Variants in PDE4D observed in about 807,000 individuals in gnomAD.
The protein encoded by PDE4D is 3',5'-cyclic-AMP phosphodiesterase 4D.
In PDE4D, 24 loss-of-function variants were observed where a neutral mutation model predicts 87.4. That is an observed-to-expected ratio of 0.27 (90% CI 0.20 to 0.39). The LOEUF is 0.39. Among genes scored for constraint, PDE4D ranks in the 10% least tolerant of loss-of-function variants. The pLI is 1.00. For synonymous variants in PDE4D, 384 were observed against 383.2 expected (o/e 1.00, Z -0.02); for missense variants, 714 against 1,041.0 (o/e 0.69, Z 4.32).
rs549393596 is a variant in PDE4D, at chr5:59,137,791, G to T, written c.808+42804C>A. ...TCTGCCTGCCTCGGCCTCCCAAAGTGCTGGGATTACAGGCGTAAGCCACCA... is the reference window on the plus strand; with the variant it reads ...TCTGCCTGCCTCGGCCTCCCAAAGTTCTGGGATTACAGGCGTAAGCCACCA... On this transcript the variant is annotated intron_variant, in intron 5 of 14. Transcript: ENST00000340635. 2.6e-3 allele frequency among the ~76,000 whole-genome samples: 400 copies of T among 152,334 alleles called. 2 individuals are homozygous for T. The highest frequency in any genetic ancestry group is 4.1e-3 in the Non-Finnish European group (276 of 68,030).
intron 5 of PDE4D, among the ~76,000 whole-genome samples, chr5:59,114,883 G>T (rs962157791): frequency 3.4e-5 from 5 of 147,130 alleles, no homozygotes; most frequent in Admixed American, 2.7e-4. Context: ...AGGAATAAGT[G>T]GGGGGAAAAG....
chr5:60,177,395 T>G (rs527358026), intron 2 of PDE4D, among the ~76,000 whole-genome samples: 20 of 152,264 alleles, frequency 1.3e-4, no homozygotes, highest in African/African-American at 4.8e-4. Flanking sequence ...GCAACATATA[T>G]GGGTAAATTA....
intron 1 of PDE4D, among the ~76,000 whole-genome samples, chr5:59,715,797 C>T (rs1326059237): frequency 6.6e-6 from 1 of 152,180 alleles, no homozygotes; most frequent in Non-Finnish European, 1.5e-5. Context: ...AAAAACCTGG[C>T]TTAATGCATA....
intron 1 of PDE4D, among the ~76,000 whole-genome samples, chr5:59,232,278 C>T (rs7715975): frequency 0.032 from 4,799 of 152,054 alleles, 266 homozygotes; most frequent in African/African-American, 0.11. Context: ...TATCTGACAA[C>T]GGACTAATAT....
chr5:59,130,965 G>C (rs141349175), intron 5 of PDE4D, among the ~76,000 whole-genome samples: 2 of 152,182 alleles, frequency 1.3e-5, no homozygotes, highest in African/African-American at 4.8e-5. Flanking sequence ...CCATTCATTA[G>C]TGATGATCCA....
At chr5:60,383,419 C>G (rs1359613864) in intron 1 of PDE4D, among the ~76,000 whole-genome samples, 1 of 152,198 alleles carries the variant, frequency 6.6e-6, no homozygotes, top group East Asian at 1.9e-4. Flanking sequence ...GAAATGCCTT[C>G]CATTTCTCCT....
intron 2 of PDE4D, among the ~76,000 whole-genome samples, chr5:59,207,476 G>A (rs1316656845): frequency 6.6e-6 from 1 of 151,924 alleles, no homozygotes; most frequent in Non-Finnish European, 1.5e-5. Context: ...CCAGGTTACT[G>A]GACTAGTTTT....
chr5:59,610,724 C>T (rs1422209527), intron 1 of PDE4D, among the ~76,000 whole-genome samples: 2 of 152,114 alleles, frequency 1.3e-5, no homozygotes, highest in Non-Finnish European at 2.9e-5. Context: ...CATTGAAATA[C>T]ACCTCAATGA....
At chr5:59,004,149 A>T (rs1374683256) in intron 6 of PDE4D, among the ~76,000 whole-genome samples, 1 of 152,178 alleles carries the variant, frequency 6.6e-6, no homozygotes, top group East Asian at 1.9e-4. Context: ...AAAAAAAATC[A>T]GTATAATGGC....
At chr5:59,414,775 GC>G (rs1388265401) in intron 1 of PDE4D, among the ~76,000 whole-genome samples, 1 of 152,186 alleles carries the variant, frequency 6.6e-6, no homozygotes, top group Non-Finnish European at 1.5e-5. Flanking sequence ...AGGGCTTAGA[GC>G]CCATGTACTC....
intron 5 of PDE4D, among the ~76,000 whole-genome samples, chr5:59,090,499 T>C (rs910284973): frequency 6.6e-6 from 1 of 152,166 alleles, no homozygotes. Context: ...AGTGAGACAA[T>C]GGCTGTAAAG....
chr5:60,434,267 T>G (rs569029728), intron 1 of PDE4D, among the ~76,000 whole-genome samples: 2 of 152,230 alleles, frequency 1.3e-5, no homozygotes, highest in African/African-American at 4.8e-5. Flanking sequence ...TTATAAATGG[T>G]TGTAAGATTC....
At chr5:59,797,172 G>A (rs1393763542) in intron 1 of PDE4D, 2 of 148,674 alleles carry the variant, frequency 1.3e-5, no homozygotes, top group Non-Finnish European at 3.0e-5. Context: ...GTCAGAAGTT[G>A]TGAAGCTGCT....
intron 1 of PDE4D, among the ~76,000 whole-genome samples, chr5:60,228,323 T>C (rs1745372839): frequency 6.6e-6 from 1 of 152,144 alleles, no homozygotes; most frequent in African/African-American, 2.4e-5. Context: ...AAGATATTTT[T>C]CAGAGATTAG....
rs537893947 is a variant in PDE4D, at chr5:59,812,654, C to G, written c.455+80514G>C. ...TGTCACTGTACTCCAGCCCAGGTGA[C>G]AAAGTGAGACTCCATCTCAAAAAAA... On this transcript the variant is annotated intron_variant, in intron 1 of 14. Coordinates refer to ENST00000340635, the MANE Select transcript of PDE4D (RefSeq NM_001104631.2). Among the ~76,000 whole-genome samples, 17 of 148,810 alleles carry G rather than the reference C, an allele frequency of 1.1e-4. No individual in the cohort carries two copies. The South Asian group carries it at 3.7e-3, about 32-fold the overall frequency.
chr5:59,422,879 G>C (rs1794680750), intron 1 of PDE4D, among the ~76,000 whole-genome samples: 1 of 152,094 alleles, frequency 6.6e-6, no homozygotes, highest in African/African-American at 2.4e-5. Context: ...TTTGAAAACT[G>C]ACCTTTTTCT....
intron 1 of PDE4D, among the ~76,000 whole-genome samples, chr5:59,555,144 A>G (rs114216971): frequency 0.027 from 4,137 of 152,322 alleles, 192 homozygotes; most frequent in African/African-American, 0.094. Flanking sequence ...AATGTGGTAC[A>G]GGTACATAAT....
chr5:59,898,779 C>A (rs1751934751), intron 3 of PDE4D, among the ~76,000 whole-genome samples: 1 of 152,136 alleles, frequency 6.6e-6, no homozygotes, highest in South Asian at 2.1e-4. Flanking sequence ...TATTCAGTGT[C>A]CCCTAAAGGC....
intron 1 of PDE4D, among the ~76,000 whole-genome samples, chr5:59,833,113 GGT>G (rs2152699885): frequency 6.6e-6 from 1 of 152,188 alleles, no homozygotes; most frequent in South Asian, 2.1e-4. Flanking sequence ...GAAGCAGACC[GGT>G]GTTGCATCTT....
Sources: allele counts gnomAD v4.1 joint callset (sites outside exome capture counted in the v4.1 genomes callset), GRCh38; gene constraint gnomAD v4.1.1; transcripts MANE v1.5; gene names NCBI Gene and HGNC (gene_info 2026-07-23, HGNC 2026-07-21).